LRSAM1: variants seen among roughly 807,000 people sequenced by gnomAD.
LRSAM1 encodes E3 ubiquitin-protein ligase LRSAM1.
Under a neutral mutation model 118.1 loss-of-function variants are expected in LRSAM1, and 96 were observed. That is an observed-to-expected ratio of 0.81 (90% CI 0.69 to 0.96). LRSAM1 has a LOEUF of 0.96. LRSAM1 is among the 40% of genes least tolerant of loss of function. The probability of loss-of-function intolerance (pLI) is 0.00; values close to 1 mark genes in which losing one functional copy is unlikely to be tolerated. For synonymous variants in LRSAM1, 322 were observed against 364.2 expected (o/e 0.88, Z 1.32); for missense variants, 804 against 915.5 (o/e 0.88, Z 1.57).
rs565435563 is a variant in LRSAM1 at position 127,483,967 on chromosome 9, T to C, written c.1159+947T>C. The stretch of plus-strand genomic sequence containing the variant: ...GTGAGCCACCGTGCCTGGTCTTCAT[T>C]TTAAAATATATTAGTTCTGTGGCAT... On this transcript the variant is annotated intron_variant, in intron 16 of 25. Transcript: ENST00000300417. 1.1e-4 allele frequency among the ~76,000 whole-genome samples: 17 copies of C among 152,260 alleles called. No individual in the cohort carries two copies. The South Asian group carries it at 3.3e-3, about 30-fold the overall frequency.
chr9:127,455,017 A>G lies in LRSAM1; in HGVS notation c.92A>G (p.Asp31Gly), dbSNP rs1834463580. The G allele has an allele frequency of 2.5e-6, 4 of 1,614,072 alleles. No individual in the cohort carries two copies. Among genetic ancestry groups the G allele is most frequent in the South Asian group, 2.2e-5 (2 of 91,090 alleles). ...CCTTAGGCAAAAGAAGCTGGGGCAG[A>G]TGACATTCTCGACATCTCTAAATGT... is the stretch of plus-strand genomic sequence containing the variant. ...QMCLAKEAGA[D>G]DILDISKCEL... Residue 31 changes from aspartate (D) to glycine (G), a missense_variant, in exon 4 of 26, where the codon GAT becomes GGT. Physicochemically the swap from Asp to Gly is moderately conservative, Grantham distance 94. Coordinates refer to ENST00000300417, the MANE Select transcript of LRSAM1 (RefSeq NM_001005373.4).
intron 18 of LRSAM1, among the ~76,000 whole-genome samples, chr9:127,488,813 A>ATGAG (rs1835824680): frequency 6.6e-6 from 1 of 151,340 alleles, no homozygotes; most frequent in Non-Finnish European, 1.5e-5. Flanking sequence ...CTGGTCTCAA[A>ATGAG]CTCCTGGGCT....
intron 5 of LRSAM1, 133 bp from the exon 6 acceptor site, chr9:127,457,183 G>A (rs143482327): frequency 2.0e-5 from 17 of 870,118 alleles, no homozygotes; most frequent in African/African-American, 6.6e-5. Flanking sequence ...ATACTGACCC[G>A]CATCCCCGTG....
intron 16 of LRSAM1, among the ~76,000 whole-genome samples, chr9:127,485,367 C>G (rs1835690690): frequency 6.6e-6 from 1 of 151,930 alleles, no homozygotes; most frequent in South Asian, 2.1e-4. Flanking sequence ...ACCATCCTGG[C>G]TAACACAGTG....
At chr9:127,493,138 T>C (rs535236201) in intron 21 of LRSAM1, among the ~76,000 whole-genome samples, 1 of 152,332 alleles carries the variant, frequency 6.6e-6, no homozygotes, top group South Asian at 2.1e-4. Context: ...CTCAGCTCAC[T>C]GCAGCCTTGA....
At chr9:127,499,592 C>G (rs911695843) in intron 24 of LRSAM1, among the ~76,000 whole-genome samples, 1 of 151,482 alleles carries the variant, frequency 6.6e-6, no homozygotes, top group East Asian at 1.9e-4. Flanking sequence ...TGGGGGGAAG[C>G]ACTGATAGCC....
intron 9 of LRSAM1, among the ~76,000 whole-genome samples, chr9:127,466,864 A>G (rs1834970685): frequency 6.6e-6 from 1 of 151,970 alleles, no homozygotes; most frequent in African/African-American, 2.4e-5. Context: ...AAAATTAGGC[A>G]TGGTGGCATG....
At position 127,473,581 on chromosome 9, in the gene LRSAM1, C is replaced by T. The variant is rs118002800; in HGVS notation, c.620-220C>T. Among the ~76,000 whole-genome samples, 331 of 152,294 alleles carry T rather than the reference C, an allele frequency of 2.2e-3. 3 individuals carry two copies. The East Asian group carries it at 0.042, about 19-fold the overall frequency. The stretch of plus-strand genomic sequence containing the variant: ...GATGGTAAAGAGGTGTAAGGGGTAG[C>T]CAGTACCCATTGACTCACTCCACTG... On this transcript the variant is annotated intron_variant, in intron 10 of 25. Transcript: ENST00000300417.
At chr9:127,480,064 C>G in intron 14 of LRSAM1, 86 bp downstream of exon 14, 1 of 1,575,890 alleles carries the variant, frequency 6.3e-7, no homozygotes, top group Admixed American at 1.7e-5. Context: ...TTCTCCCTCA[C>G]TGCCTCTGCC....
intron 16 of LRSAM1, among the ~76,000 whole-genome samples, chr9:127,483,657 C>CTTTAT (rs945400529): frequency 6.6e-6 from 1 of 151,972 alleles, no homozygotes; most frequent in African/African-American, 2.4e-5. Flanking sequence ...ATCTTAATCA[C>CTTTAT]TTTATTTTAT....
At chr9:127,500,580 G>A (rs185184166) in intron 24 of LRSAM1, among the ~76,000 whole-genome samples, 2 of 152,244 alleles carry the variant, frequency 1.3e-5, no homozygotes, top group Non-Finnish European at 2.9e-5. Flanking sequence ...GAAGCCAAGA[G>A]CTGGCCCTTC....
intron 24 of LRSAM1, among the ~76,000 whole-genome samples, chr9:127,500,773 G>A (rs1174228299): frequency 2.0e-5 from 3 of 152,238 alleles, no homozygotes; most frequent in Non-Finnish European, 4.4e-5. Context: ...CTTAACAAGC[G>A]CTGCGGCCAT....
intron 9 of LRSAM1, among the ~76,000 whole-genome samples, chr9:127,463,142 T>G (rs955112751): frequency 9.8e-5 from 14 of 142,342 alleles, no homozygotes; most frequent in Non-Finnish European, 1.9e-4. Context: ...GAGATTGCAG[T>G]GAGCCGAGAT....
At chr9:127,487,620 T>G in intron 17 of LRSAM1, 56 bp from the exon 18 acceptor site, 3 of 1,520,814 alleles carry the variant, frequency 2.0e-6, no homozygotes, top group Non-Finnish European at 2.7e-6. Context: ...GCCTGGCACA[T>G]AGTAGGTGCT....
At position 127,465,110 on chromosome 9, in the gene LRSAM1, C is replaced by T. The variant is rs1464613408; in HGVS notation, c.529-2630C>T. Among the ~76,000 whole-genome samples, 1 of 152,158 alleles carries T rather than the reference C, an allele frequency of 6.6e-6. No homozygotes were observed. The highest frequency in any genetic ancestry group is 1.5e-5 in the Non-Finnish European group (1 of 68,036). ...CCACCCACCAAACAGCCCACCAGGT[C>T]GGTAACACTGCCTGTTTGGCTATGA... is the stretch of plus-strand genomic sequence containing the variant. On this transcript the variant is annotated intron_variant, in intron 9 of 25. Transcript: ENST00000300417. This position sits in a 1 kb window ranked among gnomAD's most constrained non-coding sequence, Gnocchi z 4.1.
rs763061995 is a variant in LRSAM1, at chr9:127,479,868, T to A, written c.933T>A (p.Ser311Arg). The A allele has an allele frequency of 1.2e-6, 2 of 1,612,066 alleles. No homozygotes were observed. The highest frequency in any genetic ancestry group is 1.7e-6 in the Non-Finnish European group (2 of 1,178,748). Residue 311 changes from serine (S) to arginine (R), a missense_variant, in exon 14 of 26, where the codon AGT becomes AGA. Ser to Arg is a moderately radical substitution (Grantham distance 110). Coordinates refer to ENST00000300417, the MANE Select transcript of LRSAM1 (RefSeq NM_001005373.4). ...EEQSRLEQGL[S>R]EHQRHLNAER... ...AGTCCCGGCTGGAGCAGGGCCTGAG[T>A]GAGCACCAGCGCCACCTCAACGCAG... is the stretch of plus-strand genomic sequence containing the variant.
chr9:127,497,446 G>A, intron 24 of LRSAM1, 112 bp downstream of exon 24: 2 of 1,078,608 alleles, frequency 1.9e-6, no homozygotes, highest in East Asian at 5.1e-5. Flanking sequence ...GCTGGTTCTA[G>A]CCTCTGCTGG....
intron 10 of LRSAM1, among the ~76,000 whole-genome samples, chr9:127,469,827 T>C (rs183796369): frequency 5.3e-5 from 8 of 151,980 alleles, no homozygotes; most frequent in East Asian, 3.9e-4. Flanking sequence ...TAGCAAGGCG[T>C]GGTGGCGGGC....
intron 21 of LRSAM1, among the ~76,000 whole-genome samples, chr9:127,494,496 C>T (rs539956426): frequency 2.0e-5 from 3 of 152,228 alleles, no homozygotes; most frequent in Non-Finnish European, 4.4e-5. Context: ...ATGATGGCAT[C>T]GTTAGGTGCA....
Sources: gnomAD v4.1 joint callset for allele counts (sites outside exome capture counted in the v4.1 genomes callset) on GRCh38, gnomAD v4.1.1 for gene constraint, Gnocchi (gnomAD v3.1) non-coding constraint, MANE v1.5 for transcripts, NCBI Gene and HGNC (gene_info 2026-07-23, HGNC 2026-07-21) for gene names.